Variants in ERGIC2 observed in about 807,000 individuals in gnomAD.
ERGIC2 encodes ERGIC and golgi 2.
Under a neutral mutation model 52.5 loss-of-function variants are expected in ERGIC2, and 31 were observed. That is an observed-to-expected ratio of 0.59 (90% CI 0.44 to 0.80). ERGIC2 has a LOEUF of 0.80. ERGIC2 is among the 30% of genes least tolerant of loss of function. The pLI is 0.00. For synonymous variants in ERGIC2, 129 were observed against 140.6 expected, an observed-to-expected ratio of 0.92 and a Z score of 0.58; for missense variants, 395 against 455.2, an observed-to-expected ratio of 0.87 and a Z score of 1.20.
chr12:29,342,298 G>A (rs1949845702), intron 12 of ERGIC2, among the ~76,000 whole-genome samples: 1 of 152,220 alleles, frequency 6.6e-6, no homozygotes, highest in Non-Finnish European at 1.5e-5. Context: ...ATAGGCATGA[G>A]CCACTGCACC....
At chr12:29,373,770 A>C (rs1479510891) in intron 1 of ERGIC2, among the ~76,000 whole-genome samples, 1 of 152,186 alleles carries the variant, frequency 6.6e-6, no homozygotes, top group Non-Finnish European at 1.5e-5. Flanking sequence ...TAGTATTCGA[A>C]AGAAAAAAAT....
At chr12:29,360,789 G>T (rs1228910597) in intron 6 of ERGIC2, among the ~76,000 whole-genome samples, 1 of 151,550 alleles carries the variant, frequency 6.6e-6, no homozygotes, top group Non-Finnish European at 1.5e-5. Flanking sequence ...AAAGAGAAGG[G>T]GGCTTTTACA....
At chr12:29,367,001 TC>T in intron 4 of ERGIC2, 54 bp from the exon 5 acceptor site, 1 of 941,282 alleles carries the variant, frequency 1.1e-6, no homozygotes, top group Non-Finnish European at 1.5e-6. Flanking sequence ...AGGCAAACCA[TC>T]CCCAATATAA....
Position 29,343,194 on chromosome 12 carries a change from G to GT in ERGIC2, c.913dup (p.Thr305AsnfsTer2). 1 of 1,611,064 alleles carries GT rather than the reference G, an allele frequency of 6.2e-7. No homozygotes were observed. Among genetic ancestry groups the GT allele is most frequent in the Non-Finnish European group, 8.5e-7 (1 of 1,177,984 alleles). Reference sequence around the variant, plus strand: ...CTGCCAGAATGGCATGTGCTCCTCAGTAACTGTCACCATAAGAGAACTGAG... The same window carrying GT: ...CTGCCAGAATGGCATGTGCTCCTCAGTTAACTGTCACCATAAGAGAACTGAG... On this transcript the variant is annotated frameshift_variant, in exon 12 of 14. Transcript: ENST00000360150. LOFTEE classifies it high-confidence loss of function.
At chr12:29,365,227 G>C (rs1189455544) in intron 5 of ERGIC2, among the ~76,000 whole-genome samples, 1 of 151,956 alleles carries the variant, frequency 6.6e-6, no homozygotes, top group Non-Finnish European at 1.5e-5. Context: ...AGTGGTACAT[G>C]GGATAAACAA....
chr12:29,363,442 A>G (rs1940313249), intron 5 of ERGIC2, among the ~76,000 whole-genome samples: 1 of 151,894 alleles, frequency 6.6e-6, no homozygotes, highest in African/African-American at 2.4e-5. Context: ...TATATAAATT[A>G]GCACAAAGGA....
At chr12:29,370,704 C>G (rs1940429463) in intron 2 of ERGIC2, among the ~76,000 whole-genome samples, 1 of 151,754 alleles carries the variant, frequency 6.6e-6, no homozygotes, top group African/African-American at 2.4e-5. Flanking sequence ...AAAAAGGTAG[C>G]CTAATTTCTT....
chr12:29,381,024 ACAGGCTCC>A (rs1291195814), intron 1 of ERGIC2, 83 bp downstream of exon 1: 1 of 152,298 alleles, frequency 6.6e-6, no homozygotes, highest in African/African-American at 2.4e-5. Context: ...CAAGCCCATG[ACAGGCTCC>A]CAGTTCCCTC....
chr12:29,370,130 C>T lies in ERGIC2; in HGVS notation c.199G>A (p.Asp67Asn). ...AATGATTACCTAGAAAAATCCTTGT[C>T]TACTTCGTATTCATACTTCATCCAT... ...DTWMKYEYEV[D>N]KDFSSKLRIN... The change falls in exon 3 of 14, where the codon GAC becomes AAC. Residue 67 changes from aspartate (D) to asparagine (N), a missense_variant. Coordinates refer to ENST00000360150, the MANE Select transcript of ERGIC2 (RefSeq NM_016570.3). The T allele has an allele frequency of 6.6e-7, 1 of 1,514,618 alleles. No individual in the cohort carries two copies. Among genetic ancestry groups the T allele is most frequent in the Non-Finnish European group, 8.7e-7 (1 of 1,143,338 alleles). 93.8% of individuals were successfully genotyped at this position (1,514,618 alleles called of 1,614,324 possible).
chr12:29,345,359 A>C (rs1205100938), intron 11 of ERGIC2, 84 bp downstream of exon 11: 2 of 742,156 alleles, frequency 2.7e-6, no homozygotes, highest in East Asian at 5.0e-5. Flanking sequence ...CAAGTAAAAC[A>C]CCACCTTATT....
chr12:29,364,129 T>C (rs900820279), intron 5 of ERGIC2, among the ~76,000 whole-genome samples: 1 of 151,988 alleles, frequency 6.6e-6, no homozygotes, highest in Non-Finnish European at 1.5e-5. Context: ...GAAAAACCCA[T>C]GTGAAAGGGA....
chr12:29,378,948 T>C (rs978672389), intron 1 of ERGIC2, among the ~76,000 whole-genome samples: 3 of 152,168 alleles, frequency 2.0e-5, no homozygotes, highest in African/African-American at 7.2e-5. Flanking sequence ...TCTAATTCTC[T>C]GAAAAAAAGC....
intron 11 of ERGIC2, among the ~76,000 whole-genome samples, chr12:29,344,898 T>C (rs780413066): frequency 6.6e-6 from 1 of 152,160 alleles, no homozygotes; most frequent in Non-Finnish European, 1.5e-5. Flanking sequence ...ACTTTGCTCA[T>C]CACTGTCAGT....
At chr12:29,350,150 G>A in intron 8 of ERGIC2, 82 bp from the exon 9 acceptor site, 1 of 818,512 alleles carries the variant, frequency 1.2e-6, no homozygotes, top group Middle Eastern at 3.3e-4. Flanking sequence ...TCTTCCCTAA[G>A]TTATATAATT....
In ERGIC2 at chr12:29,357,864, C is replaced by T. The variant is rs999191472; in HGVS notation, c.375-140G>A. Reference sequence around the variant, plus strand: ...GATTTCATATTCTAAAATAACATACCAAGTTTTCTTTGGTCATTTCCTTGA... The same window carrying T: ...GATTTCATATTCTAAAATAACATACTAAGTTTTCTTTGGTCATTTCCTTGA... On this transcript the variant is annotated intron_variant, in intron 6 of 13. Coordinates refer to ENST00000360150, the MANE Select transcript of ERGIC2 (RefSeq NM_016570.3). 5 of 656,486 alleles carry T rather than the reference C, an allele frequency of 7.6e-6. No homozygotes were observed. The South Asian group carries it at 8.6e-5, about 11-fold the overall frequency. The allele number at this position is 656,486 out of a possible 1,614,324, so 40.7% of individuals were successfully genotyped here.
At chr12:29,378,495 A>C (rs2136886116) in intron 1 of ERGIC2, among the ~76,000 whole-genome samples, 1 of 152,248 alleles carries the variant, frequency 6.6e-6, no homozygotes. Flanking sequence ...ACTACAACCT[A>C]TCTGTAATTT....
chr12:29,348,958 A>G, intron 10 of ERGIC2, 121 bp downstream of exon 10: 1 of 542,310 alleles, frequency 1.8e-6, no homozygotes, highest in South Asian at 2.7e-5. Context: ...CATCTCAATC[A>G]CCAACCACTT....
intron 9 of ERGIC2, among the ~76,000 whole-genome samples, 165 bp from the exon 10 acceptor site, chr12:29,349,342 G>T (rs534270256): frequency 2.0e-5 from 3 of 151,978 alleles, no homozygotes; most frequent in South Asian, 2.1e-4. Context: ...AAAAATAAAT[G>T]TAAATATATG....
intron 10 of ERGIC2, 140 bp from the exon 11 acceptor site, chr12:29,345,680 G>T: frequency 1.6e-6 from 1 of 629,844 alleles, no homozygotes; most frequent in South Asian, 1.8e-5. Context: ...TTGGGAGGCT[G>T]ACGAAGGAGG....
Sources: gnomAD v4.1 joint callset for allele counts (sites outside exome capture counted in the v4.1 genomes callset) on GRCh38, gnomAD v4.1.1 for gene constraint, MANE v1.5 for transcripts, NCBI Gene and HGNC (gene_info 2026-07-23, HGNC 2026-07-21) for gene names.